ZBTB7C: variants seen among roughly 807,000 people sequenced by gnomAD.
The protein encoded by ZBTB7C is zinc finger and BTB domain-containing protein 7C.
ZBTB7C carries 8 observed loss-of-function variants against 25.7 expected under a neutral mutation model. That is an observed-to-expected ratio of 0.31 (90% CI 0.18 to 0.56). ZBTB7C has a LOEUF of 0.56. ZBTB7C is among the 20% of genes least tolerant of loss of function. ZBTB7C has a pLI of 0.91. For synonymous variants in ZBTB7C, 394 were observed against 369.0 expected, an observed-to-expected ratio of 1.07 and a Z score of -0.78; for missense variants, 824 against 855.2, an observed-to-expected ratio of 0.96 and a Z score of 0.46.
chr18:48,268,130 T>A (rs2044367211), intron 2 of ZBTB7C, among the ~76,000 whole-genome samples: 1 of 152,196 alleles, frequency 6.6e-6, no homozygotes, highest in Admixed American at 6.5e-5. Context: ...TGAGGTGAAA[T>A]CTTTGGGAAC....
intron 3 of ZBTB7C, among the ~76,000 whole-genome samples, chr18:48,075,721 C>A (rs553202804): frequency 6.6e-6 from 1 of 152,288 alleles, no homozygotes; most frequent in South Asian, 2.1e-4. Context: ...GTAGAAATGA[C>A]ACGACACAGG....
intron 3 of ZBTB7C, chr18:48,165,353 AG>A (rs2041207741): frequency 1.0e-5 from 4 of 391,546 alleles, no homozygotes; most frequent in African/African-American, 8.3e-5. Flanking sequence ...ATGAGTGTCC[AG>A]TGATGAGCAA....
intron 3 of ZBTB7C, among the ~76,000 whole-genome samples, chr18:48,096,113 A>G (rs936736437): frequency 6.6e-6 from 1 of 152,248 alleles, no homozygotes; most frequent in African/African-American, 2.4e-5. Context: ...GCTCTTTTAT[A>G]GAAGTTTCCT....
In ZBTB7C at chr18:48,027,151, C is replaced by CA. The variant is rs1211231516; in HGVS notation, c.*2108_*2109insT. On this transcript the variant is annotated 3_prime_UTR_variant, in exon 5 of 5. Coordinates refer to ENST00000590800, the MANE Select transcript of ZBTB7C (RefSeq NM_001318841.2). The stretch of plus-strand genomic sequence containing the variant: ...AAGCAAAACAAAAACACAACCACCC[C>CA]TCCCCCCACAACCCATTTGCTTCAA... The CA allele has an allele frequency of 1.3e-5, 2 of 151,602 alleles. No individual in the cohort carries two copies. The highest frequency in any genetic ancestry group is 2.9e-5 in the Non-Finnish European group (2 of 67,948). 9.4% of individuals were successfully genotyped at this position (151,602 alleles called of 1,614,324 possible).
chr18:48,185,216 C>T, intron 3 of ZBTB7C: 2 of 348,242 alleles, frequency 5.7e-6, no homozygotes, highest in Non-Finnish European at 1.1e-5. Context: ...GGCCTCCCTC[C>T]TCCATCAGTC....
rs112275325 is a variant in ZBTB7C, at chr18:48,187,713, C to T, written c.-78-1718G>A. Among the ~76,000 whole-genome samples, 90 of 147,284 alleles carry T rather than the reference C, an allele frequency of 6.1e-4. No homozygotes were observed. The South Asian group carries it at 7.7e-3, about 13-fold the overall frequency. On this transcript the variant is annotated intron_variant, in intron 2 of 4. Transcript: ENST00000590800. ...GCCGGTGCCTGTAGTACCAGCTACTCGGGAGGCTGAGGCAGGAGAATGGCG... is the reference window on the plus strand; with the variant it reads ...GCCGGTGCCTGTAGTACCAGCTACTTGGGAGGCTGAGGCAGGAGAATGGCG...
Position 48,029,270 on chromosome 18 carries a change from G to C in ZBTB7C, c.1850C>G (p.Ala617Gly), listed in dbSNP as rs1360313334. 6.5e-7 allele frequency: 1 copy of C among 1,538,024 alleles called. No individual in the cohort carries two copies. The highest frequency in any genetic ancestry group is 8.7e-7 in the Non-Finnish European group (1 of 1,148,932). The change falls in exon 5 of 5, where the codon GCC becomes GGC. Residue 617 changes from alanine to glycine, a missense_variant. By Grantham distance (60) the Ala-to-Gly change is moderately conservative. Coordinates refer to ENST00000590800, the MANE Select transcript of ZBTB7C (RefSeq NM_001318841.2). ...CCGACAGGGACCAGCCTAGTTGTTG[G>C]CTTCGGACATGGAGGCCACGTGGTT... ...GLNHVASMSE[A>G]NN
At chr18:48,122,873 G>C (rs2039677198) in intron 3 of ZBTB7C, among the ~76,000 whole-genome samples, 1 of 152,202 alleles carries the variant, frequency 6.6e-6, no homozygotes, top group Non-Finnish European at 1.5e-5. Context: ...GAACAGACCA[G>C]ATGGGAGCTG....
chr18:48,139,380 G>A (rs752617808), intron 3 of ZBTB7C, among the ~76,000 whole-genome samples: 15 of 152,150 alleles, frequency 9.9e-5, no homozygotes, highest in Non-Finnish European at 1.8e-4. Context: ...AACCCAGCTG[G>A]AGCGGGATGT....
rs2043260696 is a variant in ZBTB7C at position 48,231,748 on chromosome 18, A to T, written c.-78-45753T>A. Among the ~76,000 whole-genome samples, 5 of 145,880 alleles carry T rather than the reference A, an allele frequency of 3.4e-5. No homozygotes were observed. The South Asian group carries it at 1.1e-3, about 32-fold the overall frequency. ...GGCACCAAAAAGGAGAGAAGAGAGA[A>T]GGAGAGAAGAGCTGCGGCCCTTTGG... On this transcript the variant is annotated intron_variant, in intron 2 of 4. Coordinates refer to ENST00000590800, the MANE Select transcript of ZBTB7C (RefSeq NM_001318841.2).
chr18:48,389,787 G>A (rs1358445698), intron 1 of ZBTB7C, among the ~76,000 whole-genome samples: 4 of 152,212 alleles, frequency 2.6e-5, no homozygotes, highest in Non-Finnish European at 5.9e-5. Context: ...TGCCCTGTAA[G>A]GCACGATTGA....
At chr18:48,370,276 C>A (rs530103262) in intron 1 of ZBTB7C, among the ~76,000 whole-genome samples, 3 of 152,034 alleles carry the variant, frequency 2.0e-5, no homozygotes, top group Admixed American at 6.6e-5. Context: ...TCAACCCAGA[C>A]GAATCTTCAG....
intron 1 of ZBTB7C, among the ~76,000 whole-genome samples, chr18:48,388,313 G>A (rs1387052498): frequency 2.0e-5 from 3 of 150,500 alleles, no homozygotes; most frequent in East Asian, 1.9e-4. Flanking sequence ...AATCTATCTT[G>A]CATTTTTTTT....
At chr18:48,072,702 T>C (rs979470247) in intron 3 of ZBTB7C, 3 of 152,202 alleles carry the variant, frequency 2.0e-5, no homozygotes, top group African/African-American at 7.2e-5. Context: ...ATTTTTAGGA[T>C]GGGATGCTTT....
At chr18:48,160,356 G>C (rs932981404) in intron 3 of ZBTB7C, among the ~76,000 whole-genome samples, 4 of 152,234 alleles carry the variant, frequency 2.6e-5, no homozygotes, top group Non-Finnish European at 5.9e-5. Context: ...TGCTATGCTA[G>C]GTCCCTAACA....
At chr18:48,403,337 A>G (rs140829258) in intron 1 of ZBTB7C, among the ~76,000 whole-genome samples, 5 of 152,314 alleles carry the variant, frequency 3.3e-5, no homozygotes, top group African/African-American at 9.6e-5. Context: ...AATCAGGGCT[A>G]ACATCTCTCA....
chr18:48,029,927 T>A lies in ZBTB7C; in HGVS notation c.1209-16A>T. Reference sequence around the variant, plus strand: ...CTTGTCCTGCCTGCAATGCAGAGACTGGGGGTCAGTCCCGCAGGGAACACC... The same window carrying A: ...CTTGTCCTGCCTGCAATGCAGAGACAGGGGGTCAGTCCCGCAGGGAACACC... On this transcript the variant is annotated splice_polypyrimidine_tract_variant and intron_variant, in intron 4 of 4. Transcript: ENST00000590800. The A allele has an allele frequency of 1.2e-6, 2 of 1,609,628 alleles. No individual in the cohort carries two copies. The highest frequency in any genetic ancestry group is 1.7e-6 in the Non-Finnish European group (2 of 1,179,964).
chr18:48,332,786 C>G (rs1320174140), intron 2 of ZBTB7C, among the ~76,000 whole-genome samples: 1 of 149,210 alleles, frequency 6.7e-6, no homozygotes, highest in Non-Finnish European at 1.5e-5. Context: ...ATGGGCTTAG[C>G]TAAAGTCCCA....
Position 48,304,976 on chromosome 18 carries a change from A to C in ZBTB7C, c.-79+33198T>G, listed in dbSNP as rs568800909. On this transcript the variant is annotated intron_variant, in intron 2 of 4. Transcript: ENST00000590800. Reference sequence around the variant, plus strand: ...AGGCCTGACTCTGCAGGGAGGGCTGAGGTGCCTCGAGCCTTTGTTACCTTT... The same window carrying C: ...AGGCCTGACTCTGCAGGGAGGGCTGCGGTGCCTCGAGCCTTTGTTACCTTT... 2.0e-5 allele frequency among the ~76,000 whole-genome samples: 3 copies of C among 152,042 alleles called. No homozygotes were observed. The South Asian group carries it at 6.3e-4, about 32-fold the overall frequency.
Sources: allele counts gnomAD v4.1 joint callset (sites outside exome capture counted in the v4.1 genomes callset), GRCh38; gene constraint gnomAD v4.1.1; transcripts MANE v1.5; gene names NCBI Gene and HGNC (gene_info 2026-07-23, HGNC 2026-07-21).